Variants in WDR3 observed in about 807,000 individuals in gnomAD.
WDR3 encodes WD repeat-containing protein 3.
Under a neutral mutation model 123.7 loss-of-function variants are expected in WDR3, and 81 were observed. The ratio of observed to expected loss-of-function variants is 0.65; its 90% confidence interval spans 0.55 to 0.79. The LOEUF is 0.79. WDR3 is among the 30% of genes least tolerant of loss of function. The pLI, the probability that WDR3 is intolerant of heterozygous loss-of-function variation, is 0.00. For missense variants in WDR3, 1,027 were observed against 1,123.2 expected (o/e 0.91, Z 1.22); for synonymous variants, 390 against 388.8 (o/e 1.00, Z -0.04).
chr1:117,956,746 A>G (rs953632652), intron 24 of WDR3, among the ~76,000 whole-genome samples: 8 of 152,192 alleles, frequency 5.3e-5, no homozygotes, highest in African/African-American at 1.9e-4. Flanking sequence ...AATAGACTCT[A>G]ATGGACTCAA....
chr1:117,949,896 C>T, intron 14 of WDR3, 60 bp downstream of exon 14: 1 of 1,609,832 alleles, frequency 6.2e-7, no homozygotes, highest in Non-Finnish European at 8.5e-7. Flanking sequence ...ATGGAATGGC[C>T]TTTTGACGTC....
At chr1:117,947,755 G>T (rs548162374) in intron 12 of WDR3, among the ~76,000 whole-genome samples, 8 of 152,328 alleles carry the variant, frequency 5.3e-5, no homozygotes, top group African/African-American at 1.7e-4. Flanking sequence ...TATGCTGTCT[G>T]TACCACCTTG....
intron 12 of WDR3, 83 bp from the exon 13 acceptor site, chr1:117,948,322 A>C: frequency 8.5e-7 from 1 of 1,181,838 alleles, no homozygotes; most frequent in Admixed American, 2.0e-5. Flanking sequence ...TTGGTTATGA[A>C]GTCTTTTCTA....
chr1:117,948,607 T>C, intron 13 of WDR3, 101 bp downstream of exon 13: 1 of 813,000 alleles, frequency 1.2e-6, no homozygotes, highest in Non-Finnish European at 1.8e-6. Context: ...TTTTTTTTTT[T>C]GGTCTAATCT....
At chr1:117,949,043 T>TA (rs984109623) in intron 13 of WDR3, among the ~76,000 whole-genome samples, 4 of 152,142 alleles carry the variant, frequency 2.6e-5, no homozygotes, top group African/African-American at 7.2e-5. Flanking sequence ...TTCTCAATGA[T>TA]AGACAATTTT....
Position 117,954,609 on chromosome 1 carries a change from G to A in WDR3, c.2391G>A (p.Met797Ile), listed in dbSNP as rs775384383. 6.2e-7 allele frequency: 1 copy of A among 1,612,068 alleles called. No homozygotes were observed. The highest frequency in any genetic ancestry group is 8.5e-7 in the Non-Finnish European group (1 of 1,178,994). ...CACTTCCCAGCAACCCCATCCTAAT[G>A]GCTTATGGCAGTATCTCAGTGAGTA... ...EVPLPSNPIL[M>I]AYGSISPSAY... Residue 797 changes from methionine to isoleucine, a missense_variant, in exon 23 of 27, where the codon ATG becomes ATA. Physicochemically the swap from Met to Ile is conservative, Grantham distance 10 (BLOSUM62 1). Coordinates refer to ENST00000349139, the MANE Select transcript of WDR3 (RefSeq NM_006784.3).
At chr1:117,949,130 C>T (rs955174424) in intron 13 of WDR3, among the ~76,000 whole-genome samples, 8 of 152,070 alleles carry the variant, frequency 5.3e-5, no homozygotes, top group African/African-American at 1.7e-4. Context: ...GGGGTCCAAA[C>T]GAAACAGCTG....
chr1:117,937,980 C>T (rs567320991), intron 4 of WDR3, among the ~76,000 whole-genome samples: 2 of 152,198 alleles, frequency 1.3e-5, no homozygotes, highest in African/African-American at 4.8e-5. Flanking sequence ...GACAAAGAGA[C>T]CAAATGAGAA....
intron 10 of WDR3, 88 bp downstream of exon 10, chr1:117,942,632 A>G (rs1033114368): frequency 3.4e-5 from 41 of 1,190,420 alleles, no homozygotes; most frequent in Non-Finnish European, 3.8e-5. Context: ...AGCTGTCTGT[A>G]TGAATTATAT....
Position 117,939,634 on chromosome 1 carries a change from G to C in WDR3, c.675+62G>C, listed in dbSNP as rs1166321912. ...AAGTTTCATAAGCACCTTGGATTTA[G>C]AATCAGATGTAATTATTCAGTACTT... On this transcript the variant is annotated intron_variant, in intron 6 of 26. Transcript: ENST00000349139. 2.0e-6 allele frequency: 3 copies of C among 1,504,500 alleles called. No individual in the cohort carries two copies. The East Asian group carries it at 6.8e-5, about 34-fold the overall frequency. 93.2% of individuals were successfully genotyped at this position (1,504,500 alleles called of 1,614,324 possible). A position where few individuals can be genotyped will look rare whatever the true frequency, so the allele number is the denominator to read the frequency against.
At chr1:117,932,387 A>G (rs1342917165) in intron 1 of WDR3, among the ~76,000 whole-genome samples, 1 of 152,238 alleles carries the variant, frequency 6.6e-6, no homozygotes, top group African/African-American at 2.4e-5. Context: ...GAAAAATTCT[A>G]GGCCCTACCT....
chr1:117,955,104 C>T, intron 23 of WDR3: 1 of 457,046 alleles, frequency 2.2e-6, no homozygotes, highest in Non-Finnish European at 3.9e-6. Context: ...GATAAGGAAT[C>T]TGGCTTGACT....
In WDR3 at chr1:117,959,001, C is replaced by T. The variant is rs769282108; in HGVS notation, c.2674C>T (p.Arg892Trp). 15 of 1,613,102 alleles carry T rather than the reference C, an allele frequency of 9.3e-6. No homozygotes were observed. Among genetic ancestry groups the T allele is most frequent in the Admixed American group, 3.3e-5 (2 of 59,960 alleles). Residue 892 changes from arginine (R) to tryptophan (W), a missense_variant and splice_region_variant, in exon 26 of 27, where the codon CGG (arginine) becomes TGG (tryptophan). Physicochemically the swap from Arg to Trp is moderately radical, Grantham distance 101 (BLOSUM62 -3). Coordinates refer to ENST00000349139, the MANE Select transcript of WDR3 (RefSeq NM_006784.3). ...ETTISKVSQV[R>W]DVIGFNMAGL... ...AACTATTTCAAAAGTCAGCCAAGTC[C>T]GGGTAAGTGTCTTTGTATAGAGATA...
rs1168728470 is a variant in WDR3, at chr1:117,958,949, G to T, written c.2622G>T (p.Val874=). The change falls in exon 26 of 27, where the codon GTG becomes GTT. Residue 874 remains valine, a synonymous_variant. Transcript: ENST00000349139. Reference sequence around the variant, plus strand: ...AGATCACTAGCAATCAAATGCTTGTGCCAGTGATAGAAAAATTAAGGGAAA... The same window carrying T: ...AGATCACTAGCAATCAAATGCTTGTTCCAGTGATAGAAAAATTAAGGGAAA... ...FGQITSNQML[V]PVIEKLRETT... is the part of the protein sequence containing the mutation. The T allele has an allele frequency of 3.1e-6, 5 of 1,613,972 alleles. No individual in the cohort carries two copies. The South Asian group carries it at 5.5e-5, about 18-fold the overall frequency.
Position 117,963,591 on chromosome 1 carries a change from C to G in WDR3, c.*4144C>G. Reference sequence around the variant, plus strand: ...AAGTTAGCCAGGATGGTCTCGATCTCCTGACCTTGTGATCCACCCACCTCG... The same window carrying G: ...AAGTTAGCCAGGATGGTCTCGATCTGCTGACCTTGTGATCCACCCACCTCG... On this transcript the variant is annotated 3_prime_UTR_variant, in exon 27 of 27. Transcript: ENST00000349139. The G allele has an allele frequency of 2.8e-6, 1 of 353,602 alleles. No individual in the cohort carries two copies. Among genetic ancestry groups the G allele is most frequent in the Non-Finnish European group, 5.3e-6 (1 of 188,938 alleles). The allele number at this position is 353,602 out of a possible 1,614,324, so 21.9% of individuals were successfully genotyped here. A position where few individuals can be genotyped will look rare whatever the true frequency, so the allele number is the denominator to read the frequency against.
At chr1:117,932,162 C>T (rs1187096691) in intron 1 of WDR3, among the ~76,000 whole-genome samples, 1 of 152,078 alleles carries the variant, frequency 6.6e-6, no homozygotes, top group African/African-American at 2.4e-5. Flanking sequence ...TTATAAATAA[C>T]CAGTGGATTA....
chr1:117,934,638 T>C lies in WDR3; in HGVS notation c.337T>C (p.Leu113=). The C allele has an allele frequency of 6.2e-7, 1 of 1,613,932 alleles. No individual in the cohort carries two copies. The highest frequency in any genetic ancestry group is 8.5e-7 in the Non-Finnish European group (1 of 1,179,972). Reference sequence around the variant, plus strand: ...TGGTCACAAAGCAGCTATCACTACCTTGAAGTATGATCAGCTAGGAGGCAG... The same window carrying C: ...TGGTCACAAAGCAGCTATCACTACCCTGAAGTATGATCAGCTAGGAGGCAG... The part of the protein sequence containing the change: ...FNGHKAAITT[L]KYDQLGGRLA... The change falls in exon 3 of 27, where the codon TTG becomes CTG. Residue 113 remains leucine, a synonymous_variant. Coordinates refer to ENST00000349139, the MANE Select transcript of WDR3 (RefSeq NM_006784.3).
At chr1:117,932,063 TGG>T (rs1650751051) in intron 1 of WDR3, among the ~76,000 whole-genome samples, 1 of 152,216 alleles carries the variant, frequency 6.6e-6, no homozygotes, top group African/African-American at 2.4e-5. Flanking sequence ...TTAAGTTGCA[TGG>T]GTGTTTTTTG....
intron 25 of WDR3, 49 bp downstream of exon 25, chr1:117,957,245 C>T: frequency 6.3e-7 from 1 of 1,576,378 alleles, no homozygotes; most frequent in African/African-American, 1.4e-5. Context: ...AGAACTGCTT[C>T]AGTAGTACCT....
Sources: gnomAD v4.1 joint callset for allele counts (sites outside exome capture counted in the v4.1 genomes callset) on GRCh38, gnomAD v4.1.1 for gene constraint, MANE v1.5 for transcripts, NCBI Gene and HGNC (gene_info 2026-07-23, HGNC 2026-07-21) for gene names.